The following INPP4B variants were observed in gnomAD, a reference collection of about 807,000 sequenced individuals.
INPP4B encodes inositol polyphosphate 4-phosphatase type II.
A neutral mutation model predicts 122.5 loss-of-function variants in INPP4B; 55 were observed. The ratio of observed to expected loss-of-function variants is 0.45; its 90% CI spans 0.36 to 0.56. The LOEUF (loss-of-function observed/expected upper bound fraction) is 0.56. INPP4B is among the 20% of genes least tolerant of loss of function. The pLI is 0.00. For synonymous variants in INPP4B, 403 were observed against 388.7 expected, an observed-to-expected ratio of 1.04 and a Z score of -0.43; for missense variants, 1,000 against 1,097.7, an observed-to-expected ratio of 0.91 and a Z score of 1.26.
At chr4:142,638,185 A>G (rs1749581542) in intron 2 of INPP4B, among the ~76,000 whole-genome samples, 1 of 152,184 alleles carries the variant, frequency 6.6e-6, no homozygotes, top group Non-Finnish European at 1.5e-5. Context: ...TTCAGAGCAG[A>G]AATTTCAGTT....
intron 7 of INPP4B, among the ~76,000 whole-genome samples, chr4:142,398,109 C>T (rs536739940): frequency 1.3e-5 from 2 of 151,632 alleles, no homozygotes; most frequent in African/African-American, 4.8e-5. Flanking sequence ...GGCGCGGTGG[C>T]TCACGCCTGT....
chr4:142,027,873 C>A lies in INPP4B; in HGVS notation c.*909G>T. On this transcript the variant is annotated 3_prime_UTR_variant, in exon 26 of 26. Transcript: ENST00000262992. Reference sequence around the variant, plus strand: ...TATGTTTTAAAGGCTTATTAACACACACAAACCTATGCCATAACTGCATGC... The same window carrying A: ...TATGTTTTAAAGGCTTATTAACACAAACAAACCTATGCCATAACTGCATGC... 1.1e-5 allele frequency: 2 copies of A among 178,820 alleles called. No individual in the cohort carries two copies. Among genetic ancestry groups the A allele is most frequent in the Non-Finnish European group, 2.4e-5 (2 of 83,466 alleles). 11.1% of individuals were successfully genotyped at this position (178,820 alleles called of 1,614,324 possible).
At chr4:142,696,080 T>C (rs1760979948) in intron 2 of INPP4B, among the ~76,000 whole-genome samples, 3 of 152,084 alleles carry the variant, frequency 2.0e-5, no homozygotes. Context: ...TTGACAAAGT[T>C]ATCAGACGAG....
chr4:142,300,174 C>T (rs948283121), intron 9 of INPP4B, among the ~76,000 whole-genome samples: 17 of 152,266 alleles, frequency 1.1e-4, no homozygotes, highest in Admixed American at 1.1e-3. Context: ...AGGATTCCAG[C>T]AACAAACTTA....
chr4:142,027,276 A>G lies in INPP4B; in HGVS notation c.*1506T>C, dbSNP rs1368118028. 6.6e-6 allele frequency: 1 copy of G among 152,202 alleles called. No homozygotes were observed. Among genetic ancestry groups the G allele is most frequent in the Non-Finnish European group, 1.5e-5 (1 of 68,030 alleles). The allele number at this position is 152,202 out of a possible 1,614,324, so 9.4% of individuals were successfully genotyped here. The stretch of plus-strand genomic sequence containing the variant: ...TTTGTAGTAATTTGAAAAACTTAAC[A>G]TGGGGCTAGAATCCTTATTTCAACA... On this transcript the variant is annotated 3_prime_UTR_variant, in exon 26 of 26. Coordinates refer to ENST00000262992, the MANE Select transcript of INPP4B (RefSeq NM_001101669.3).
intron 2 of INPP4B, among the ~76,000 whole-genome samples, chr4:142,528,750 A>G (rs190637107): frequency 7.9e-5 from 12 of 152,192 alleles, no homozygotes; most frequent in Admixed American, 7.9e-4. Flanking sequence ...TTGCAAGCTG[A>G]ACTAGCTGCT....
chr4:142,426,714 A>ATT (rs1300837378), intron 5 of INPP4B: 2 of 152,004 alleles, frequency 1.3e-5, no homozygotes, highest in African/African-American at 4.8e-5. Context: ...ATTATTATAT[A>ATT]GCAGCACACA....
chr4:142,629,750 C>T (rs548771168), intron 2 of INPP4B, among the ~76,000 whole-genome samples: 1 of 152,068 alleles, frequency 6.6e-6, no homozygotes, highest in East Asian at 1.9e-4. Context: ...CAGGATGGAA[C>T]TTGTTTGTGA....
chr4:142,418,288 A>G (rs1806178931), intron 5 of INPP4B, among the ~76,000 whole-genome samples: 1 of 152,136 alleles, frequency 6.6e-6, no homozygotes, highest in Non-Finnish European at 1.5e-5. Context: ...ATTATGAAAC[A>G]TTTCAAGGGA....
intron 1 of INPP4B, among the ~76,000 whole-genome samples, chr4:142,749,937 C>G (rs569227934): frequency 6.6e-6 from 1 of 151,882 alleles, no homozygotes; most frequent in African/African-American, 2.4e-5. Flanking sequence ...ATAATTACTA[C>G]TAGTAAAGAT....
At chr4:142,510,844 C>T (rs187210784) in intron 2 of INPP4B, among the ~76,000 whole-genome samples, 13 of 152,234 alleles carry the variant, frequency 8.5e-5, no homozygotes, top group Admixed American at 7.8e-4. Context: ...TTTCACTCAA[C>T]AATTAATTTT....
At chr4:142,758,517 G>A (rs530622449) in intron 1 of INPP4B, among the ~76,000 whole-genome samples, 1 of 152,232 alleles carries the variant, frequency 6.6e-6, no homozygotes, top group Admixed American at 6.5e-5. Flanking sequence ...AATCAGGAAA[G>A]TTGTAAAAGG....
intron 7 of INPP4B, among the ~76,000 whole-genome samples, chr4:142,344,811 A>G (rs976826756): frequency 2.0e-5 from 3 of 151,984 alleles, no homozygotes; most frequent in African/African-American, 7.2e-5. Context: ...GCAAGCCCTC[A>G]TGACACAAGT....
intron 24 of INPP4B, among the ~76,000 whole-genome samples, chr4:142,085,138 A>G (rs1776134086): frequency 6.6e-6 from 1 of 152,220 alleles, no homozygotes; most frequent in African/African-American, 2.4e-5. Context: ...GAAGGCAGGA[A>G]GGGAAACTAA....
At chr4:142,117,645 T>C (rs1794321823) in intron 21 of INPP4B, among the ~76,000 whole-genome samples, 1 of 152,128 alleles carries the variant, frequency 6.6e-6, no homozygotes, top group African/African-American at 2.4e-5. Context: ...ATAAATTAGG[T>C]ATCGATGGGA....
At chr4:142,245,534 G>C (rs959521378) in intron 11 of INPP4B, among the ~76,000 whole-genome samples, 2 of 151,944 alleles carry the variant, frequency 1.3e-5, no homozygotes, top group African/African-American at 4.8e-5. Context: ...CAGGGATATT[G>C]GCCTGAAATT....
At chr4:142,611,956 A>T (rs1742635380) in intron 2 of INPP4B, among the ~76,000 whole-genome samples, 1 of 152,182 alleles carries the variant, frequency 6.6e-6, no homozygotes, top group African/African-American at 2.4e-5. Flanking sequence ...GGCGTGAGCC[A>T]CTGCATCTGG....
At chr4:142,721,355 G>C (rs1286361270) in intron 2 of INPP4B, among the ~76,000 whole-genome samples, 1 of 152,096 alleles carries the variant, frequency 6.6e-6, no homozygotes, top group African/African-American at 2.4e-5. Context: ...ATATGCTCTT[G>C]CACAAAAATG....
intron 8 of INPP4B, among the ~76,000 whole-genome samples, chr4:142,311,684 A>G (rs1442720317): frequency 6.6e-6 from 1 of 152,208 alleles, no homozygotes; most frequent in Non-Finnish European, 1.5e-5. Flanking sequence ...AGTTTTGTTT[A>G]AATGAGAATT....
Sources: allele counts gnomAD v4.1 joint callset (sites outside exome capture counted in the v4.1 genomes callset), GRCh38; gene constraint gnomAD v4.1.1; transcripts MANE v1.5; gene names NCBI Gene and HGNC (gene_info 2026-07-23, HGNC 2026-07-21).